MPHOSPH6: variants seen among roughly 807,000 people sequenced by gnomAD.
MPHOSPH6 encodes the protein M-phase phosphoprotein 6.
Under a neutral mutation model 21.8 loss-of-function variants are expected in MPHOSPH6, and 25 were observed. The ratio of observed to expected loss-of-function variants is 1.15; its 90% CI spans 0.83 to 1.60. The LOEUF is 1.60. Among genes scored for constraint, MPHOSPH6 ranks in the 40% most tolerant of loss-of-function variants. The pLI is 0.00. For missense variants in MPHOSPH6, 269 were observed against 181.8 expected (o/e 1.48, Z -2.76); for synonymous variants, 84 against 56.5 (o/e 1.49, Z -2.18).
At chr16:82,169,035 C>T (rs898948471) in intron 1 of MPHOSPH6, among the ~76,000 whole-genome samples, 1 of 152,164 alleles carries the variant, frequency 6.6e-6, no homozygotes, top group African/African-American at 2.4e-5. Context: ...GAGTTACTGC[C>T]TGTAGTCACC....
intron 2 of MPHOSPH6, among the ~76,000 whole-genome samples, chr16:82,158,153 C>T (rs1374110899): frequency 2.6e-5 from 4 of 152,000 alleles, no homozygotes; most frequent in Non-Finnish European, 5.9e-5. Flanking sequence ...CCCTCAATTA[C>T]TTTAAAAAAT....
Position 82,164,102 on chromosome 16 carries a change from C to G in MPHOSPH6, c.144G>C (p.Leu48Phe). 6.2e-7 allele frequency: 1 copy of G among 1,611,852 alleles called. No individual in the cohort carries two copies. The change falls in exon 2 of 5, where the codon TTG (leucine) becomes TTC (phenylalanine). Residue 48 changes from leucine to phenylalanine, a missense_variant. Transcript: ENST00000258169. Reference sequence around the variant, plus strand: ...CCTACTCTTTCTCTTTAAGCTCTGGCAAATCCAAGTACCAGTGCTCTTCAC... The same window carrying G: ...CCTACTCTTTCTCTTTAAGCTCTGGGAAATCCAAGTACCAGTGCTCTTCAC... The part of the protein sequence containing the change: ...IISEEHWYLD[L>F]PELKEKESFI...
intron 4 of MPHOSPH6, among the ~76,000 whole-genome samples, chr16:82,149,064 C>T (rs548035965): frequency 6.6e-6 from 1 of 152,316 alleles, no homozygotes; most frequent in East Asian, 1.9e-4. Flanking sequence ...TTGCATTACC[C>T]TAAATAAATA....
intron 2 of MPHOSPH6, among the ~76,000 whole-genome samples, chr16:82,152,031 C>G (rs1045236288): frequency 1.3e-5 from 2 of 152,098 alleles, no homozygotes; most frequent in African/African-American, 4.8e-5. Context: ...TTTTAAGGAA[C>G]GTAATTTGGA....
intron 1 of MPHOSPH6, among the ~76,000 whole-genome samples, 188 bp from the exon 2 acceptor site, chr16:82,164,382 C>T (rs6564995): frequency 2.0e-4 from 30 of 152,234 alleles, no homozygotes; most frequent in Admixed American, 1.8e-3. Context: ...ACGATGAGGG[C>T]TTGTGTCAGG....
At chr16:82,156,647 G>A (rs1906436870) in intron 2 of MPHOSPH6, among the ~76,000 whole-genome samples, 1 of 152,180 alleles carries the variant, frequency 6.6e-6, no homozygotes, top group East Asian at 1.9e-4. Flanking sequence ...CTTAGTGAAA[G>A]TGTAAAATCA....
At chr16:82,149,453 G>T (rs1383143930) in intron 3 of MPHOSPH6, 50 bp from the exon 4 acceptor site, 1 of 1,530,132 alleles carries the variant, frequency 6.5e-7, no homozygotes, top group Admixed American at 1.7e-5. Flanking sequence ...GCTTGTGAAA[G>T]GAACTGATGT....
intron 1 of MPHOSPH6, among the ~76,000 whole-genome samples, chr16:82,169,157 C>G (rs796224751): frequency 7.9e-5 from 12 of 152,308 alleles, no homozygotes; most frequent in African/African-American, 2.6e-4. Context: ...GTTTCAATAG[C>G]TTTCCATTGC....
intron 2 of MPHOSPH6, 113 bp downstream of exon 2, chr16:82,163,969 C>T: frequency 1.5e-6 from 1 of 673,116 alleles, no homozygotes; most frequent in South Asian, 2.1e-5. Context: ...AATCAATAAA[C>T]TGAACAGAAA....
intron 1 of MPHOSPH6, among the ~76,000 whole-genome samples, chr16:82,165,424 C>T (rs543060817): frequency 1.3e-5 from 2 of 152,052 alleles, no homozygotes; most frequent in Non-Finnish European, 2.9e-5. Context: ...GCGCCCGGCC[C>T]AGGTCCCATA....
chr16:82,151,274 C>A lies in MPHOSPH6; in HGVS notation c.255+150G>T, dbSNP rs1017614107. 9 of 1,162,636 alleles carry A rather than the reference C, an allele frequency of 7.7e-6. No individual in the cohort carries two copies. In the South Asian group the frequency reaches 1.0e-4, roughly 13 times the overall value. 72.0% of individuals were successfully genotyped at this position (1,162,636 alleles called of 1,614,324 possible). On this transcript the variant is annotated intron_variant, in intron 3 of 4. Transcript: ENST00000258169. ...AACTAGACTGCAATGCCTCCAATTT[C>A]TTTAAATAGCTATGGCGATATTTCA...
In MPHOSPH6 at chr16:82,169,944, T is replaced by C. The variant is rs1906916745; in HGVS notation, c.51+181A>G. On this transcript the variant is annotated intron_variant, in intron 1 of 4. Transcript: ENST00000258169. ...GGCCTCCTGAGAGAGTCGGCCTAAT[T>C]CGTAAGCTGGTTCCCAGTAAACAGT... The C allele has an allele frequency of 1.9e-5, 13 of 695,360 alleles. 1 individual carries two copies. The South Asian group carries it at 2.8e-4, about 15-fold the overall frequency. 43.1% of individuals were successfully genotyped at this position (695,360 alleles called of 1,614,324 possible). A position where few individuals can be genotyped will look rare whatever the true frequency, so the allele number is the denominator to read the frequency against.
At chr16:82,163,604 G>A (rs1458737586) in intron 2 of MPHOSPH6, among the ~76,000 whole-genome samples, 2 of 152,170 alleles carry the variant, frequency 1.3e-5, no homozygotes, top group African/African-American at 4.8e-5. Flanking sequence ...CCAGTTCCTG[G>A]TACACACTAT....
chr16:82,164,319 G>T (rs1906696413), intron 1 of MPHOSPH6, 125 bp from the exon 2 acceptor site: 3 of 662,392 alleles, frequency 4.5e-6, no homozygotes, highest in Non-Finnish European at 2.6e-6. Flanking sequence ...CAAGATTGAG[G>T]GTTGGGGCAA....
In MPHOSPH6 at chr16:82,149,416, C is replaced by G; in HGVS notation, c.256-13G>C. ...GAAGCATCAATTTCTGAAAAATACA[C>G]CAGTGCTGACCTTCAGGCTAGAAAA... On this transcript the variant is annotated splice_polypyrimidine_tract_variant and intron_variant, in intron 3 of 4. Transcript: ENST00000258169. 6.2e-7 allele frequency: 1 copy of G among 1,607,348 alleles called. No homozygotes were observed. The highest frequency in any genetic ancestry group is 2.2e-5 in the East Asian group (1 of 44,872).
Position 82,164,302 on chromosome 16 carries a change from C to A in MPHOSPH6, c.52-108G>T, listed in dbSNP as rs115347749. On this transcript the variant is annotated intron_variant, in intron 1 of 4. Transcript: ENST00000258169. The stretch of plus-strand genomic sequence containing the variant: ...TGTTCTCCTTCATTTATCTATGGAA[C>A]CCATCTCAAGATTGAGGGTTGGGGC... The A allele has an allele frequency of 3.6e-3, 2,586 of 723,064 alleles. 45 individuals carry two copies. The African/African-American group carries it at 0.038, about 11-fold the overall frequency. 44.8% of individuals were successfully genotyped at this position (723,064 alleles called of 1,614,324 possible). A position where few individuals can be genotyped will look rare whatever the true frequency, so the allele number is the denominator to read the frequency against.
intron 2 of MPHOSPH6, among the ~76,000 whole-genome samples, chr16:82,161,472 C>T (rs1471840155): frequency 1.3e-5 from 2 of 152,038 alleles, no homozygotes; most frequent in East Asian, 1.9e-4. Context: ...ACTGCCTATA[C>T]TTGCACACTC....
At chr16:82,150,231 C>A (rs1241749785) in intron 3 of MPHOSPH6, among the ~76,000 whole-genome samples, 7 of 152,016 alleles carry the variant, frequency 4.6e-5, no homozygotes, top group African/African-American at 1.4e-4. Flanking sequence ...GGCAGTGGCA[C>A]CTCTCCTTTC....
At chr16:82,156,950 G>A (rs1351575984) in intron 2 of MPHOSPH6, among the ~76,000 whole-genome samples, 2 of 152,186 alleles carry the variant, frequency 1.3e-5, no homozygotes, top group East Asian at 3.8e-4. Flanking sequence ...CTACTCCGGA[G>A]GCTGAGGCAG....
Sources: allele counts gnomAD v4.1 joint callset (sites outside exome capture counted in the v4.1 genomes callset), GRCh38; gene constraint gnomAD v4.1.1; transcripts MANE v1.5; gene names NCBI Gene and HGNC (gene_info 2026-07-23, HGNC 2026-07-21).